Variants in GRIK2 observed in about 807,000 individuals in gnomAD.
The protein encoded by GRIK2 is glutamate ionotropic receptor kainate type subunit 2.
A neutral mutation model predicts 100.3 loss-of-function variants in GRIK2; 32 were observed. That is an observed-to-expected ratio of 0.32 (90% CI 0.24 to 0.43). GRIK2 has a LOEUF of 0.43. GRIK2 is among the 20% of genes least tolerant of loss of function. The probability of loss-of-function intolerance (pLI) is 1.00; values close to 1 mark genes in which losing one functional copy is unlikely to be tolerated. For missense variants in GRIK2, 843 were observed against 1,114.9 expected (o/e 0.76, Z 3.47); for synonymous variants, 417 against 389.4 (o/e 1.07, Z -0.83).
At chr6:101,671,820 C>T (rs528015934) in intron 4 of GRIK2, among the ~76,000 whole-genome samples, 44 of 152,130 alleles carry the variant, frequency 2.9e-4, no homozygotes, top group African/African-American at 9.6e-4. Flanking sequence ...GCCAAGATCG[C>T]GCAATTGCAC....
intron 4 of GRIK2, among the ~76,000 whole-genome samples, chr6:101,675,330 G>A (rs1049513333): frequency 2.8e-5 from 3 of 105,694 alleles, no homozygotes; most frequent in South Asian, 6.0e-4. Context: ...ACACACACTC[G>A]AGAAACAGAG....
Position 101,419,059 on chromosome 6 carries a change from T to C in GRIK2, c.115+19667T>C, listed in dbSNP as rs551975315. On this transcript the variant is annotated intron_variant, in intron 2 of 16. Coordinates refer to ENST00000369134, the MANE Select transcript of GRIK2 (RefSeq NM_021956.5). ...AAAGAAGAAAGACTCTTACACATCC[T>C]TCACTAATCTTCCTCTTACTTACTC... Among the ~76,000 whole-genome samples the C allele has an allele frequency of 2.6e-5, 4 of 152,314 alleles. No individual in the cohort carries two copies. In the South Asian group the frequency reaches 6.2e-4, roughly 24 times the overall value.
rs1562258530 is a variant in GRIK2, at chr6:101,608,823, A to ATGTATGTT, written c.116-13123_116-13122insATGTTTGT. Among the ~76,000 whole-genome samples, 3 of 109,350 alleles carry ATGTATGTT rather than the reference A, an allele frequency of 2.7e-5. No homozygotes were observed. In the East Asian group the frequency reaches 7.3e-4, roughly 27 times the overall value. The allele number at this position is 109,350 out of a possible 152,430, so 71.7% of individuals were successfully genotyped here. Reference sequence around the variant, plus strand: ...TGTGTGTGTGTGTGTGTATGTATGTATGTGTGTGTGTGTCTCACTCTCCAC... The same window carrying ATGTATGTT: ...TGTGTGTGTGTGTGTGTATGTATGTATGTATGTTTGTGTGTGTGTGTCTCACTCTCCAC... On this transcript the variant is annotated intron_variant, in intron 2 of 16. Transcript: ENST00000369134.
chr6:101,612,854 A>C (rs773918339), intron 2 of GRIK2, among the ~76,000 whole-genome samples: 1 of 151,552 alleles, frequency 6.6e-6, no homozygotes, highest in African/African-American at 2.4e-5. Flanking sequence ...GGTAAAGGTA[A>C]GTGGTTTAAT....
At chr6:101,926,984 C>T (rs1400023437) in intron 13 of GRIK2, among the ~76,000 whole-genome samples, 1 of 152,156 alleles carries the variant, frequency 6.6e-6, no homozygotes, top group Admixed American at 6.5e-5. Context: ...GCCAATGCTG[C>T]TCATCATCTT....
chr6:101,659,331 A>C (rs1018164625), intron 4 of GRIK2, among the ~76,000 whole-genome samples: 1 of 151,950 alleles, frequency 6.6e-6, no homozygotes, highest in Non-Finnish European at 1.5e-5. Flanking sequence ...CAGATGTGTG[A>C]TGTTATTTCT....
At chr6:102,060,653 ATATT>A (rs1771700954) in intron 16 of GRIK2, among the ~76,000 whole-genome samples, 1 of 150,684 alleles carries the variant, frequency 6.6e-6, no homozygotes, top group African/African-American at 2.4e-5. Context: ...TGTTATGTCA[ATATT>A]TATGTTTTGC....
At chr6:102,031,128 C>CA (rs1562124651) in intron 14 of GRIK2, among the ~76,000 whole-genome samples, 2,162 of 65,480 alleles carry the variant, frequency 0.033, 64 homozygotes, top group Middle Eastern at 0.053. Flanking sequence ...CACACACACA[C>CA]CCCCTTTGAG....
chr6:101,980,486 AC>A (rs968900440), intron 14 of GRIK2, among the ~76,000 whole-genome samples: 11 of 151,938 alleles, frequency 7.2e-5, no homozygotes, highest in African/African-American at 2.4e-4. Flanking sequence ...CTAACTTAAG[AC>A]TTTTTACAAC....
intron 2 of GRIK2, among the ~76,000 whole-genome samples, chr6:101,601,401 T>C (rs1779207324): frequency 6.6e-6 from 1 of 151,852 alleles, no homozygotes; most frequent in Admixed American, 6.6e-5. Context: ...TTTGCTCCTT[T>C]TGTTGTGTCT....
chr6:101,673,822 T>C (rs1468811347), intron 4 of GRIK2, among the ~76,000 whole-genome samples: 1 of 152,168 alleles, frequency 6.6e-6, no homozygotes, highest in Admixed American at 6.6e-5. Flanking sequence ...TTTAGTATTG[T>C]ATGCACAGAA....
intron 7 of GRIK2, among the ~76,000 whole-genome samples, chr6:101,705,431 T>A (rs1773199525): frequency 6.6e-6 from 1 of 151,794 alleles, no homozygotes; most frequent in South Asian, 2.1e-4. Context: ...TATCCTCACA[T>A]CATTAGACGA....
At position 101,809,421 on chromosome 6, in the gene GRIK2, T is replaced by C. The variant is rs373332634; in HGVS notation, c.1203+6983T>C. Reference sequence around the variant, plus strand: ...TTGTTGACTCCTGCCCTCATTAAACTTCATATGAAAAAGGTGCCTGAATGG... The same window carrying C: ...TTGTTGACTCCTGCCCTCATTAAACCTCATATGAAAAAGGTGCCTGAATGG... On this transcript the variant is annotated intron_variant, in intron 9 of 16. Transcript: ENST00000369134. Among the ~76,000 whole-genome samples, 38 of 152,134 alleles carry C rather than the reference T, an allele frequency of 2.5e-4. No homozygotes were observed. In the East Asian group the frequency reaches 6.4e-3, roughly 26 times the overall value.
chr6:101,589,012 AATG>A (rs747194412), intron 2 of GRIK2, among the ~76,000 whole-genome samples: 6 of 152,188 alleles, frequency 3.9e-5, no homozygotes, highest in Non-Finnish European at 7.4e-5. Flanking sequence ...GAATTAATAT[AATG>A]ATTATGTCAT....
Position 101,444,065 on chromosome 6 carries a change from G to T in GRIK2, c.115+44673G>T, listed in dbSNP as rs572065229. Among the ~76,000 whole-genome samples the T allele has an allele frequency of 2.2e-3, 313 of 143,516 alleles. 2 individuals are homozygous for T. Among genetic ancestry groups the T allele is most frequent in the African/African-American group, 7.7e-3 (295 of 38,370 alleles). 94.2% of individuals were successfully genotyped at this position (143,516 alleles called of 152,430 possible). On this transcript the variant is annotated intron_variant, in intron 2 of 16. Transcript: ENST00000369134. The stretch of plus-strand genomic sequence containing the variant: ...GTGCCCAGCCCAGCTGATTTTCCGG[G>T]TTTTTTTGTTTGTTTGTTTGTTTGT...
At chr6:101,875,517 A>T (rs538437893) in intron 11 of GRIK2, among the ~76,000 whole-genome samples, 1 of 151,898 alleles carries the variant, frequency 6.6e-6, no homozygotes, top group Non-Finnish European at 1.5e-5. Flanking sequence ...TTTTTTTTAC[A>T]GAAATAACTA....
At position 101,482,615 on chromosome 6, in the gene GRIK2, AT is replaced by A. The variant is rs935543995; in HGVS notation, c.115+83224del. 8.0e-4 allele frequency among the ~76,000 whole-genome samples: 122 copies of A among 152,334 alleles called. 1 individual carries two copies. The highest frequency in any genetic ancestry group is 2.8e-3 in the African/African-American group (117 of 41,576). ...ACTCTGGAAGTTATGGAAATGTAAA[AT>A]GTGTGTGTAGAGTAGGAAAGTTTAA... On this transcript the variant is annotated intron_variant, in intron 2 of 16. Coordinates refer to ENST00000369134, the MANE Select transcript of GRIK2 (RefSeq NM_021956.5).
intron 14 of GRIK2, among the ~76,000 whole-genome samples, chr6:101,975,793 G>GTCTGTCTA (rs1793328591): frequency 1.0e-5 from 1 of 96,936 alleles, no homozygotes; most frequent in African/African-American, 3.5e-5. Flanking sequence ...CTGTCTGTCT[G>GTCTGTCTA]TCTATCTATC....
chr6:101,696,862 A>G (rs557276807), intron 7 of GRIK2, among the ~76,000 whole-genome samples: 2 of 152,110 alleles, frequency 1.3e-5, no homozygotes, highest in South Asian at 4.1e-4. Context: ...GGAAAAAAAA[A>G]TTACTTTAGA....
Sources: gnomAD v4.1 joint callset for allele counts (sites outside exome capture counted in the v4.1 genomes callset) on GRCh38, gnomAD v4.1.1 for gene constraint, MANE v1.5 for transcripts, NCBI Gene and HGNC (gene_info 2026-07-23, HGNC 2026-07-21) for gene names.